The following EXOC4 variants were observed in gnomAD, a reference collection of about 807,000 sequenced individuals.
EXOC4 encodes the protein exocyst complex component 4.
Under a neutral mutation model 107.2 loss-of-function variants are expected in EXOC4, and 71 were observed. The ratio of observed to expected loss-of-function variants is 0.66; its 90% CI spans 0.55 to 0.81. The LOEUF (loss-of-function observed/expected upper bound fraction) is 0.81, where lower values mean the gene tolerates loss of function less well. Among genes scored for constraint, EXOC4 ranks in the 30% least tolerant of loss-of-function variants. The pLI, the probability that EXOC4 is intolerant of heterozygous loss-of-function variation, is 0.00. For missense variants in EXOC4, 1,108 were observed against 1,189.6 expected (o/e 0.93, Z 1.01); for synonymous variants, 456 against 441.2 (o/e 1.03, Z -0.42).
chr7:133,877,064 T>G (rs985485301), intron 11 of EXOC4, among the ~76,000 whole-genome samples: 1 of 152,126 alleles, frequency 6.6e-6, no homozygotes, highest in Non-Finnish European at 1.5e-5. Context: ...TGATATTGTT[T>G]CGCAGTTCGC....
rs1796946657 is a variant in EXOC4, at chr7:133,395,311, C to T, written c.1182+20309C>T. Among the ~76,000 whole-genome samples the T allele has an allele frequency of 2.0e-5, 3 of 152,152 alleles. No homozygotes were observed. In the South Asian group the frequency reaches 6.2e-4, roughly 32 times the overall value. ...ACACCATTCCAATATGTGTGAAGAG[C>T]TGTTGTTCATCTTGTAGGATCACTA... On this transcript the variant is annotated intron_variant, in intron 7 of 17. Transcript: ENST00000253861.
chr7:133,533,859 G>A (rs765408000), intron 9 of EXOC4, among the ~76,000 whole-genome samples: 17 of 152,042 alleles, frequency 1.1e-4, no homozygotes, highest in African/African-American at 3.9e-4. Context: ...CTGTTTCCCC[G>A]ATGTGTTAAT....
intron 9 of EXOC4, among the ~76,000 whole-genome samples, chr7:133,603,568 T>G (rs988426029): frequency 2.0e-5 from 3 of 152,238 alleles, no homozygotes; most frequent in Admixed American, 6.5e-5. Context: ...TACAACATGT[T>G]ACTGTACTAC....
intron 9 of EXOC4, among the ~76,000 whole-genome samples, chr7:133,508,579 T>A (rs1316928259): frequency 2.0e-5 from 3 of 152,180 alleles, no homozygotes; most frequent in African/African-American, 7.2e-5. Flanking sequence ...CTGTAAGAGA[T>A]CATCAACCTT....
chr7:133,983,827 G>A (rs1011855108), intron 14 of EXOC4, among the ~76,000 whole-genome samples: 2 of 152,118 alleles, frequency 1.3e-5, no homozygotes, highest in Non-Finnish European at 2.9e-5. Flanking sequence ...ATCTAATACA[G>A]CACCACAATA....
rs546399742 is a variant in EXOC4 at position 133,632,798 on chromosome 7, A to G, written c.1514+2657A>G. ...TAGTTACTCTTATTTTTATGAGACT[A>G]TGTAAATAAAATTGTGTAGATATGT... On this transcript the variant is annotated intron_variant, in intron 10 of 17. Coordinates refer to ENST00000253861, the MANE Select transcript of EXOC4 (RefSeq NM_021807.4). Among the ~76,000 whole-genome samples, 7 of 152,000 alleles carry G rather than the reference A, an allele frequency of 4.6e-5. No individual in the cohort carries two copies. The East Asian group carries it at 1.4e-3, about 29-fold the overall frequency.
intron 11 of EXOC4, among the ~76,000 whole-genome samples, chr7:133,843,950 G>A (rs1585192330): frequency 2.0e-5 from 3 of 152,110 alleles, no homozygotes; most frequent in East Asian, 1.9e-4. Context: ...TTCTGTTTAT[G>A]TGATGAACTC....
At chr7:134,086,393 C>G in the EXOC4 span, among the ~76,000 whole-genome samples, 8 of 152,072 alleles carry the variant, frequency 5.3e-5, no homozygotes, top group African/African-American at 1.9e-4. Flanking sequence ...CAAAATTATT[C>G]GAAGTATTGT....
intron 9 of EXOC4, among the ~76,000 whole-genome samples, chr7:133,507,186 C>A (rs1018094229): frequency 6.6e-6 from 1 of 151,914 alleles, no homozygotes; most frequent in Non-Finnish European, 1.5e-5. Flanking sequence ...TATTAACTTT[C>A]TCAACTTAAA....
chr7:133,390,951 C>A (rs536673191), intron 7 of EXOC4, among the ~76,000 whole-genome samples: 1 of 152,160 alleles, frequency 6.6e-6, no homozygotes, highest in Non-Finnish European at 1.5e-5. Flanking sequence ...AGGTGATGTA[C>A]CCTTCTTCAC....
At chr7:133,717,860 A>C (rs1795030021) in intron 10 of EXOC4, among the ~76,000 whole-genome samples, 1 of 152,186 alleles carries the variant, frequency 6.6e-6, no homozygotes, top group Non-Finnish European at 1.5e-5. Context: ...GTATATCTCA[A>C]AGCCTTGCTT....
chr7:134,024,824 TC>T, intron 17 of EXOC4, among the ~76,000 whole-genome samples: 1 of 152,222 alleles, frequency 6.6e-6, no homozygotes. Context: ...GAAGGCTCCC[TC>T]AGCAGCAGTG....
At chr7:133,955,648 C>T (rs1342170976) in intron 14 of EXOC4, among the ~76,000 whole-genome samples, 2 of 152,208 alleles carry the variant, frequency 1.3e-5, no homozygotes, top group East Asian at 3.9e-4. Flanking sequence ...CCCTGTCTGC[C>T]CTGGAGCTTG....
chr7:133,284,801 C>T (rs370879650), intron 2 of EXOC4, among the ~76,000 whole-genome samples: 105 of 152,218 alleles, frequency 6.9e-4, no homozygotes, highest in Middle Eastern at 3.4e-3. Context: ...TCCCGAGGTG[C>T]TGGGATTACA....
chr7:133,819,347 T>C (rs1282151099), intron 11 of EXOC4, among the ~76,000 whole-genome samples: 3 of 152,106 alleles, frequency 2.0e-5, no homozygotes, highest in Admixed American at 6.5e-5. Context: ...TTTGGTTTTT[T>C]CTTCCTAACA....
intron 8 of EXOC4, among the ~76,000 whole-genome samples, chr7:133,478,675 C>A (rs1406095498): frequency 6.6e-6 from 1 of 152,154 alleles, no homozygotes; most frequent in Non-Finnish European, 1.5e-5. Context: ...CTTTATTACC[C>A]TCTTTAATTA....
intron 10 of EXOC4, among the ~76,000 whole-genome samples, chr7:133,811,532 A>G (rs1797230631): frequency 6.6e-6 from 1 of 152,256 alleles, no homozygotes; most frequent in South Asian, 2.1e-4. Flanking sequence ...GCTGCTTGCA[A>G]TATTTTAATT....
chr7:133,686,154 A>C (rs1396922859), intron 10 of EXOC4, among the ~76,000 whole-genome samples: 2 of 152,166 alleles, frequency 1.3e-5, no homozygotes, highest in African/African-American at 4.8e-5. Context: ...TGTGATGCTC[A>C]GCACCACCTC....
intron 9 of EXOC4, among the ~76,000 whole-genome samples, chr7:133,490,123 TACA>T (rs1799345000): frequency 6.6e-6 from 1 of 152,124 alleles, no homozygotes; most frequent in Admixed American, 6.5e-5. Flanking sequence ...GAAGGAAAGC[TACA>T]ACAACAAGAC....
Sources: gnomAD v4.1 joint callset for allele counts (sites outside exome capture counted in the v4.1 genomes callset) on GRCh38, gnomAD v4.1.1 for gene constraint, MANE v1.5 for transcripts, NCBI Gene and HGNC (gene_info 2026-07-23, HGNC 2026-07-21) for gene names.